The following SMAD3 variants were observed in gnomAD, a reference collection of about 807,000 sequenced individuals.
The protein encoded by SMAD3 is SMAD family member 3.
A neutral mutation model predicts 51.8 loss-of-function variants in SMAD3; 12 were observed. The observed-to-expected ratio is 0.23, with a 90% CI of 0.15 to 0.38. The LOEUF is 0.38. Among genes scored for constraint, SMAD3 ranks in the 10% least tolerant of loss-of-function variants. The pLI is 1.00. For missense variants in SMAD3, 294 were observed against 565.6 expected (o/e 0.52, Z 4.87); for synonymous variants, 238 against 227.7 (o/e 1.05, Z -0.41).
intron 1 of SMAD3, among the ~76,000 whole-genome samples, chr15:67,135,006 C>T (rs78641159): frequency 0.017 from 2,662 of 152,198 alleles, 94 homozygotes; most frequent in African/African-American, 0.061. Context: ...GAGATGTACC[C>T]AGGGGGTCCT....
chr15:67,086,504 T>C (rs1960397286), intron 1 of SMAD3, among the ~76,000 whole-genome samples: 1 of 152,098 alleles, frequency 6.6e-6, no homozygotes, highest in Admixed American at 6.5e-5. Flanking sequence ...TGTGGATCCT[T>C]AATTGGTGTG....
intron 6 of SMAD3, among the ~76,000 whole-genome samples, chr15:67,182,832 TTTGA>T (rs1210122844): frequency 4.6e-5 from 7 of 151,004 alleles, no homozygotes; most frequent in African/African-American, 9.8e-5. Flanking sequence ...CATACCACTG[TTTGA>T]TTGATTGATT....
chr15:67,129,569 T>C (rs1961472834), intron 1 of SMAD3, among the ~76,000 whole-genome samples: 1 of 152,224 alleles, frequency 6.6e-6, no homozygotes, highest in Admixed American at 6.5e-5. Flanking sequence ...AAAAACACAG[T>C]GTCTATAGAG....
chr15:67,130,364 C>G (rs8025083), intron 1 of SMAD3, among the ~76,000 whole-genome samples: 103,631 of 152,108 alleles, frequency 0.68, 35,381 homozygotes, highest in African/African-American at 0.73. Context: ...GACTGATACC[C>G]GTGTGCGGCC....
chr15:67,092,039 C>G (rs868243881), intron 1 of SMAD3, among the ~76,000 whole-genome samples: 1 of 152,178 alleles, frequency 6.6e-6, no homozygotes, highest in South Asian at 2.1e-4. Flanking sequence ...GCAGCTGCTT[C>G]TAAAATTGCC....
chr15:67,085,246 C>G (rs527640086), intron 1 of SMAD3, among the ~76,000 whole-genome samples: 1 of 152,290 alleles, frequency 6.6e-6, no homozygotes, highest in South Asian at 2.1e-4. Flanking sequence ...AGGGGCTCCT[C>G]TGGTGTGGAG....
intron 1 of SMAD3, among the ~76,000 whole-genome samples, chr15:67,096,675 A>G (rs954243412): frequency 6.6e-6 from 1 of 151,764 alleles, no homozygotes; most frequent in Non-Finnish European, 1.5e-5. Flanking sequence ...AAAGGGTTCC[A>G]TATTTTCATT....
chr15:67,117,665 A>G (rs1203604761), intron 1 of SMAD3, among the ~76,000 whole-genome samples: 1 of 152,194 alleles, frequency 6.6e-6, no homozygotes, highest in African/African-American at 2.4e-5. Flanking sequence ...TGGATTTTCA[A>G]ACTTTCTTTA....
intron 1 of SMAD3, among the ~76,000 whole-genome samples, chr15:67,109,797 C>T (rs1960961886): frequency 6.6e-6 from 1 of 152,228 alleles, no homozygotes; most frequent in Non-Finnish European, 1.5e-5. Flanking sequence ...CCGCCGGCCT[C>T]TCAGTGATGT....
At chr15:67,187,183 G>T in intron 7 of SMAD3, 182 bp from the exon 8 acceptor site, 1 of 735,842 alleles carries the variant, frequency 1.4e-6, no homozygotes, top group Non-Finnish European at 2.4e-6. Flanking sequence ...GAGGGACTGG[G>T]TTGGCCTTCC....
chr15:67,159,789 T>G lies in SMAD3; in HGVS notation c.207-5106T>G, dbSNP rs546016868. ...ACCTTATAATTTTACACGAACAGAA[T>G]CATGCCTGGCTTCTTTCACGCAGCA... On this transcript the variant is annotated intron_variant, in intron 1 of 8. Transcript: ENST00000327367. Among the ~76,000 whole-genome samples, 752 of 152,380 alleles carry G rather than the reference T, an allele frequency of 4.9e-3. 5 individuals carry two copies. The highest frequency in any genetic ancestry group is 8.7e-3 in the Non-Finnish European group (591 of 68,034).
At chr15:67,153,955 A>G (rs1027056928) in intron 1 of SMAD3, among the ~76,000 whole-genome samples, 8 of 152,210 alleles carry the variant, frequency 5.3e-5, no homozygotes, top group Admixed American at 1.3e-4. Flanking sequence ...GGATAGCCCA[A>G]GGTCTAGGCG....
chr15:67,188,760 C>T, intron 8 of SMAD3, among the ~76,000 whole-genome samples: 1 of 152,242 alleles, frequency 6.6e-6, no homozygotes, highest in Middle Eastern at 3.2e-3. Flanking sequence ...GCACTCAGGC[C>T]AAACCCATTT....
At chr15:67,183,015 ATATATATATATATATATTTT>A (rs1469703651) in intron 6 of SMAD3, among the ~76,000 whole-genome samples, 3 of 72,628 alleles carry the variant, frequency 4.1e-5, no homozygotes, top group African/African-American at 6.7e-5. Context: ...ATATATATAT[ATATATATATATATATATTTT>A]TTTTTTTTTT....
At chr15:67,136,030 T>C (rs1961652239) in intron 1 of SMAD3, among the ~76,000 whole-genome samples, 1 of 152,206 alleles carries the variant, frequency 6.6e-6, no homozygotes, top group South Asian at 2.1e-4. Flanking sequence ...AATTTTGTAG[T>C]GTATTATTTG....
intron 1 of SMAD3, among the ~76,000 whole-genome samples, chr15:67,159,059 C>A (rs1029007021): frequency 3.3e-5 from 5 of 151,494 alleles, no homozygotes; most frequent in African/African-American, 1.2e-4. Flanking sequence ...TTTTTTAATC[C>A]CTCTGGGGGA....
chr15:67,171,569 A>G (rs1962752805), intron 5 of SMAD3, among the ~76,000 whole-genome samples: 1 of 152,202 alleles, frequency 6.6e-6, no homozygotes. Context: ...CAGGAAAAGA[A>G]ATAGTTAATA....
intron 1 of SMAD3, among the ~76,000 whole-genome samples, chr15:67,128,418 C>T (rs1436919329): frequency 6.6e-6 from 1 of 152,116 alleles, no homozygotes; most frequent in African/African-American, 2.4e-5. Context: ...CCTCAGCTTC[C>T]TTATCTGTAA....
chr15:67,125,035 C>T (rs1454333987), intron 1 of SMAD3, among the ~76,000 whole-genome samples: 1 of 152,238 alleles, frequency 6.6e-6, no homozygotes. Flanking sequence ...GGGCACCCCA[C>T]CCGACCAGCC....
Sources: gnomAD v4.1 joint callset for allele counts (sites outside exome capture counted in the v4.1 genomes callset) on GRCh38, gnomAD v4.1.1 for gene constraint, MANE v1.5 for transcripts, NCBI Gene and HGNC (gene_info 2026-07-23, HGNC 2026-07-21) for gene names.